Variants in FRMPD3 observed in about 807,000 individuals in gnomAD.
FRMPD3 encodes the protein FERM and PDZ domain-containing protein 3.
In FRMPD3, 42 loss-of-function variants were observed where a neutral mutation model predicts 97.9. That is an observed-to-expected ratio of 0.43 (90% confidence interval 0.34 to 0.55). FRMPD3 has a LOEUF of 0.55. Among genes scored for constraint, FRMPD3 ranks in the 20% least tolerant of loss-of-function variants. FRMPD3 has a pLI of 0.03. For missense variants in FRMPD3, 1,303 were observed against 1,457.7 expected, an observed-to-expected ratio of 0.89 and a Z score of 1.73; for synonymous variants, 577 against 581.1, an observed-to-expected ratio of 0.99 and a Z score of 0.10.
chrX:107,528,228 G>A (rs1362409406), intron 2 of FRMPD3, among the ~76,000 whole-genome samples: 1 of 111,965 alleles, frequency 8.9e-6, no homozygotes, highest in Non-Finnish European at 1.9e-5. Context: ...GCTCCTGAAT[G>A]CACAGGACTT....
At chrX:107,567,797 G>A (rs1922672616) in intron 12 of FRMPD3, among the ~76,000 whole-genome samples, 1 of 111,114 alleles carries the variant, frequency 9.0e-6, no homozygotes, top group Non-Finnish European at 1.9e-5. Context: ...AAGTTGATTT[G>A]GACCAGGGTG....
chrX:107,592,821 G>A (rs1449101390), intron 13 of FRMPD3, among the ~76,000 whole-genome samples: 5 of 79,721 alleles, frequency 6.3e-5, no homozygotes, highest in Non-Finnish European at 9.0e-5. Context: ...TTTTGACAGA[G>A]TCTTGTTCTG....
At chrX:107,465,848 A>G (rs1931551490) in intron 1 of FRMPD3, among the ~76,000 whole-genome samples, 1 of 109,992 alleles carries the variant, frequency 9.1e-6, no homozygotes, top group African/African-American at 3.3e-5. Context: ...CAAATAAAAT[A>G]CTGGTCCTTT....
intron 5 of FRMPD3, among the ~76,000 whole-genome samples, chrX:107,547,581 C>G: frequency 9.0e-6 from 1 of 111,702 alleles, no homozygotes; most frequent in East Asian, 2.8e-4. Flanking sequence ...AGGCTCTTGT[C>G]TGGGTGAGAG....
chrX:107,552,590 G>A (rs1463737507), intron 6 of FRMPD3, among the ~76,000 whole-genome samples: 1 of 112,044 alleles, frequency 8.9e-6, no homozygotes, highest in Non-Finnish European at 1.9e-5. Flanking sequence ...CTCTCCCCAG[G>A]GCCCAGGCCT....
At chrX:107,490,083 A>G (rs934458591) in intron 1 of FRMPD3, among the ~76,000 whole-genome samples, 1 of 112,362 alleles carries the variant, frequency 8.9e-6, no homozygotes, top group Non-Finnish European at 1.9e-5. Flanking sequence ...AGCACTGTTT[A>G]TTAAATAGGG....
At chrX:107,562,614 AAGG>A (rs199539628) in intron 10 of FRMPD3, among the ~76,000 whole-genome samples, 1,908 of 112,172 alleles carry the variant, frequency 0.017, 48 homozygotes, top group African/African-American at 0.059. Context: ...TGAGGCGATT[AAGG>A]AGGAGTCCAG....
intron 8 of FRMPD3, among the ~76,000 whole-genome samples, chrX:107,558,656 A>G (rs1922210523): frequency 8.9e-6 from 1 of 111,801 alleles, no homozygotes; most frequent in Admixed American, 9.6e-5. Context: ...ATTTAAAAAT[A>G]TAATATAATA....
In FRMPD3 at chrX:107,576,277, T is replaced by G. The variant is rs751623224; in HGVS notation, c.1297-38T>G. 2.1e-5 allele frequency: 25 copies of G among 1,195,558 alleles called. No individual in the cohort carries two copies. In the African/African-American group the frequency reaches 2.6e-4, roughly 13 times the overall value. ...TCTGAAAATGCATCTGCCTCCCTCC[T>G]TCCCATGTCTTCATGTTTCTTCCCT... On this transcript the variant is annotated intron_variant, in intron 12 of 14. Coordinates refer to ENST00000683843, the MANE Select transcript of FRMPD3 (RefSeq NM_001388459.1).
chrX:107,496,987 T>A (rs751227504), intron 1 of FRMPD3, among the ~76,000 whole-genome samples: 1 of 111,809 alleles, frequency 8.9e-6, no homozygotes, highest in Non-Finnish European at 1.9e-5. Context: ...AAGAATGAGG[T>A]CAAGGATGGA....
chrX:107,483,800 G>T (rs1244260809), intron 1 of FRMPD3, among the ~76,000 whole-genome samples: 1 of 111,690 alleles, frequency 9.0e-6, no homozygotes, highest in East Asian at 2.8e-4. Context: ...TAATGCGGGC[G>T]TGGGGTAGGG....
At chrX:107,503,896 T>C (rs1040598743) in intron 1 of FRMPD3, among the ~76,000 whole-genome samples, 8 of 111,834 alleles carry the variant, frequency 7.2e-5, no homozygotes, top group African/African-American at 2.6e-4. Context: ...TACGCCCACA[T>C]CCAAAACTTC....
At chrX:107,566,641 G>A in intron 12 of FRMPD3, among the ~76,000 whole-genome samples, 1 of 113,232 alleles carries the variant, frequency 8.8e-6, no homozygotes, top group Non-Finnish European at 1.9e-5. Context: ...ACAATAGAAT[G>A]TCCTTAAGTG....
At chrX:107,542,949 C>CT (rs1921387043) in intron 4 of FRMPD3, among the ~76,000 whole-genome samples, 1 of 111,845 alleles carries the variant, frequency 8.9e-6, no homozygotes. Flanking sequence ...GTTGAAGTCT[C>CT]TCTTTTTCTC....
chrX:107,546,898 G>T (rs1224382882), intron 5 of FRMPD3, among the ~76,000 whole-genome samples: 1 of 111,524 alleles, frequency 9.0e-6, no homozygotes, highest in Non-Finnish European at 1.9e-5. Flanking sequence ...GGCAGAATTA[G>T]TGAGAAGAAG....
At chrX:107,542,600 A>C (rs1054310918) in intron 4 of FRMPD3, among the ~76,000 whole-genome samples, 13 of 111,404 alleles carry the variant, frequency 1.2e-4, no homozygotes, top group African/African-American at 4.3e-4. Context: ...GTTTTTTGCA[A>C]TCTCCCCTCT....
rs374674303 is a variant in FRMPD3 at position 107,597,382 on chromosome X, T to A, written c.1503T>A (p.Ser501Arg). Residue 501 changes from serine (S) to arginine (R), a missense_variant, in exon 14 of 15, where the codon AGT becomes AGA. Around this residue, in one of 3 missense-constraint regions of FRMPD3, gnomAD observed 535 missense variants for 618.6 expected, o/e 0.86. Transcript: ENST00000683843. ...TGGHLGKKES[S>R]YVGSVGTSPR... ...GCCACCTGGGGAAAAAGGAGAGTAG[T>A]TATGTGGGCAGCGTGGGCACCAGCC... The A allele has an allele frequency of 2.5e-6, 3 of 1,208,664 alleles. No homozygotes were observed. The highest frequency in any genetic ancestry group is 3.5e-5 in the African/African-American group (2 of 57,096).
intron 1 of FRMPD3, among the ~76,000 whole-genome samples, chrX:107,524,442 C>A (rs1315897733): frequency 1.8e-5 from 2 of 112,480 alleles, no homozygotes; most frequent in African/African-American, 6.5e-5. Context: ...TCCCCTTCCA[C>A]CTCCCGAAGG....
At chrX:107,588,607 A>G (rs1923769343) in intron 13 of FRMPD3, among the ~76,000 whole-genome samples, 1 of 111,373 alleles carries the variant, frequency 9.0e-6, no homozygotes. Flanking sequence ...TATTTCCTGA[A>G]TTTGCGTGTT....
Sources: allele counts gnomAD v4.1 joint callset (sites outside exome capture counted in the v4.1 genomes callset), GRCh38; gene constraint gnomAD v4.1.1; regional missense constraint gnomAD v4.1.1; transcripts MANE v1.5; gene names NCBI Gene and HGNC (gene_info 2026-07-23, HGNC 2026-07-21).